ETFA: variants seen among roughly 807,000 people sequenced by gnomAD.
ETFA encodes the protein electron transfer flavoprotein subunit alpha, mitochondrial.
In ETFA, 22 loss-of-function variants were observed where a neutral mutation model predicts 46.2. The ratio of observed to expected loss-of-function variants is 0.48; its 90% CI spans 0.34 to 0.68. ETFA has a LOEUF of 0.68. Ranked by LOEUF, ETFA falls within the 30% of genes least tolerant of loss-of-function variation. ETFA has a pLI of 0.01. For synonymous variants in ETFA, 131 were observed against 139.9 expected (o/e 0.94, Z 0.45); for missense variants, 345 against 401.1 (o/e 0.86, Z 1.19).
At chr15:76,239,190 G>A (rs1387732049) in intron 9 of ETFA, among the ~76,000 whole-genome samples, 1 of 152,150 alleles carries the variant, frequency 6.6e-6, no homozygotes, top group Non-Finnish European at 1.5e-5. Flanking sequence ...GTCTCAGGCA[G>A]GCTTGCTGAG....
intron 7 of ETFA, among the ~76,000 whole-genome samples, chr15:76,285,222 T>C (rs1461239046): frequency 1.3e-5 from 2 of 152,176 alleles, no homozygotes; most frequent in Admixed American, 6.5e-5. Context: ...TAAAGAGTTA[T>C]ACACAAAGAC....
At position 76,217,097 on chromosome 15, in the gene ETFA, G is replaced by A. The variant is rs150322880; in HGVS notation, c.964-500C>T. ...CTCCCAAAGTGTTGAGATTACAGGC[G>A]TGAACCACTGCACACACTGCTACCT... On this transcript the variant is annotated intron_variant, in intron 11 of 11. Coordinates refer to ENST00000557943, the MANE Select transcript of ETFA (RefSeq NM_000126.4). Among the ~76,000 whole-genome samples the A allele has an allele frequency of 4.1e-3, 629 of 152,126 alleles. 3 individuals are homozygous for A. Among genetic ancestry groups the A allele is most frequent in the African/African-American group, 0.014 (570 of 41,502 alleles).
chr15:76,292,040 T>A (rs897552382), intron 4 of ETFA, among the ~76,000 whole-genome samples: 1 of 152,042 alleles, frequency 6.6e-6, no homozygotes, highest in East Asian at 1.9e-4. Context: ...CTTTCCAAAT[T>A]CCCTACGTAG....
At chr15:76,225,502 G>T (rs889444490) in intron 11 of ETFA, among the ~76,000 whole-genome samples, 1 of 152,004 alleles carries the variant, frequency 6.6e-6, no homozygotes. Flanking sequence ...TGTTAGCCAG[G>T]ATGGTCTCGA....
At chr15:76,292,594 A>T (rs764175220) in intron 3 of ETFA, 25 bp downstream of exon 3, 1 of 1,602,042 alleles carries the variant, frequency 6.2e-7, no homozygotes, top group Non-Finnish European at 8.6e-7. Context: ...TAGACACTAC[A>T]TTTTTTTCTA....
chr15:76,275,579 T>C (rs948346524), intron 8 of ETFA, among the ~76,000 whole-genome samples: 1 of 152,218 alleles, frequency 6.6e-6, no homozygotes, highest in African/African-American at 2.4e-5. Flanking sequence ...AATTGGTGCA[T>C]TTACACTACT....
Position 76,241,913 on chromosome 15 carries a change from T to G in ETFA, c.817-10515A>C, listed in dbSNP as rs760124180. Among the ~76,000 whole-genome samples, 160 of 143,868 alleles carry G rather than the reference T, an allele frequency of 1.1e-3. 1 individual carries two copies. The highest frequency in any genetic ancestry group is 1.8e-3 in the Non-Finnish European group (122 of 66,664). The allele number at this position is 143,868 out of a possible 152,430, so 94.4% of individuals were successfully genotyped here. A position where few individuals can be genotyped will look rare whatever the true frequency, so the allele number is the denominator to read the frequency against. On this transcript the variant is annotated intron_variant, in intron 9 of 11. Transcript: ENST00000557943. Reference sequence around the variant, plus strand: ...GTGCAATGGCACGATCTCGGCTCACTGCAACCTCCGCCTCCTGGGTTCAAG... The same window carrying G: ...GTGCAATGGCACGATCTCGGCTCACGGCAACCTCCGCCTCCTGGGTTCAAG...
intron 11 of ETFA, among the ~76,000 whole-genome samples, chr15:76,221,888 G>C (rs774334470): frequency 1.3e-5 from 2 of 152,110 alleles, no homozygotes; most frequent in Non-Finnish European, 2.9e-5. Context: ...ATTAATATAA[G>C]AGAATAAAAT....
At chr15:76,232,781 T>C (rs925544289) in intron 9 of ETFA, among the ~76,000 whole-genome samples, 5 of 152,206 alleles carry the variant, frequency 3.3e-5, no homozygotes, top group Admixed American at 1.3e-4. Flanking sequence ...CCTCCAGCAC[T>C]GGTGCTTGTA....
intron 9 of ETFA, chr15:76,260,005 T>C: frequency 1.4e-6 from 2 of 1,465,018 alleles, no homozygotes; most frequent in Admixed American, 1.7e-5. Context: ...GCAAGCTGCT[T>C]TCCTGAGGAA....
Position 76,295,494 on chromosome 15 carries a change from T to C in ETFA, c.186+97A>G, listed in dbSNP as rs1372995463. 6.8e-6 allele frequency: 7 copies of C among 1,033,340 alleles called. No homozygotes were observed. In the South Asian group the frequency reaches 8.9e-5, roughly 13 times the overall value. The allele number at this position is 1,033,340 out of a possible 1,614,324, so 64.0% of individuals were successfully genotyped here. A position where few individuals can be genotyped will look rare whatever the true frequency, so the allele number is the denominator to read the frequency against. On this transcript the variant is annotated intron_variant, in intron 2 of 11. Transcript: ENST00000557943. ...CCATTTAATGAGGATTAGAGCCCAG[T>C]TTGGGTTACAATCCTAAGCATAATT...
chr15:76,286,234 G>T (rs2039703410), intron 6 of ETFA, 137 bp downstream of exon 6: 1 of 606,404 alleles, frequency 1.6e-6, no homozygotes, highest in South Asian at 2.2e-5. Context: ...TTTTGTATAA[G>T]CTTGGGAATA....
intron 7 of ETFA, 56 bp downstream of exon 7, chr15:76,285,581 A>T (rs2039697293): frequency 3.9e-6 from 4 of 1,019,148 alleles, no homozygotes; most frequent in Admixed American, 3.5e-5. Context: ...CTAAAAATAA[A>T]AAAAAAAATC....
chr15:76,218,418 C>T (rs750484079), intron 11 of ETFA, among the ~76,000 whole-genome samples: 3 of 152,174 alleles, frequency 2.0e-5, no homozygotes, highest in African/African-American at 4.8e-5. Context: ...CAGGCACTCA[C>T]CACCACACCC....
intron 9 of ETFA, chr15:76,261,060 A>G (rs77851137): frequency 0.22 from 334,089 of 1,553,530 alleles, 107 homozygotes; most frequent in Non-Finnish European, 0.24. Context: ...AACAGTGGCT[A>G]TGCGAGAAGA....
At chr15:76,305,309 T>C (rs2039929232) in intron 1 of ETFA, among the ~76,000 whole-genome samples, 1 of 152,242 alleles carries the variant, frequency 6.6e-6, no homozygotes. Context: ...ACTGTGAACT[T>C]GGTATCTACC....
chr15:76,266,520 G>A (rs937324325), intron 9 of ETFA, among the ~76,000 whole-genome samples: 1 of 152,154 alleles, frequency 6.6e-6, no homozygotes, highest in Non-Finnish European at 1.5e-5. Flanking sequence ...AATGCGGCAG[G>A]GTTAATTATA....
At chr15:76,295,999 T>C (rs1306936005) in intron 1 of ETFA, among the ~76,000 whole-genome samples, 1 of 109,016 alleles carries the variant, frequency 9.2e-6, no homozygotes, top group African/African-American at 3.3e-5. Flanking sequence ...TGGAGTGCAG[T>C]GGCGCGTGCG....
chr15:76,285,028 A>G, intron 7 of ETFA: 2 of 262,030 alleles, frequency 7.6e-6, no homozygotes, highest in Non-Finnish European at 1.5e-5. Context: ...GCTGTCTGAA[A>G]GCTTATTTTG....
Sources: allele counts gnomAD v4.1 joint callset (sites outside exome capture counted in the v4.1 genomes callset), GRCh38; gene constraint gnomAD v4.1.1; transcripts MANE v1.5; gene names NCBI Gene and HGNC (gene_info 2026-07-23, HGNC 2026-07-21).